Variants in DYM observed in about 807,000 individuals in gnomAD.
DYM encodes the protein dyggve-Melchior-Clausen syndrome protein.
DYM carries 78 observed loss-of-function variants against 93.1 expected under a neutral mutation model. That is an observed-to-expected ratio of 0.84 (90% CI 0.70 to 1.01). The LOEUF (loss-of-function observed/expected upper bound fraction) is 1.01. Among genes scored for constraint, DYM ranks in the 50% least tolerant of loss-of-function variants. The pLI is 0.00. For missense variants in DYM, 789 were observed against 845.0 expected, an observed-to-expected ratio of 0.93 and a Z score of 0.82; for synonymous variants, 321 against 319.7, an observed-to-expected ratio of 1.00 and a Z score of -0.04.
At chr18:49,409,104 C>T (rs148938919) in intron 2 of DYM, among the ~76,000 whole-genome samples, 326 of 151,802 alleles carry the variant, frequency 2.1e-3, no homozygotes, top group Non-Finnish European at 3.0e-3. Context: ...GCCAACATAG[C>T]GAAACCCCGT....
chr18:49,270,749 G>A (rs895634020), intron 11 of DYM, among the ~76,000 whole-genome samples: 2 of 152,068 alleles, frequency 1.3e-5, no homozygotes, highest in Non-Finnish European at 2.9e-5. Context: ...CAATGGTCAA[G>A]ATTCCTTAAA....
chr18:49,428,534 A>T (rs1407530076), intron 2 of DYM, among the ~76,000 whole-genome samples: 1 of 152,084 alleles, frequency 6.6e-6, no homozygotes, highest in Non-Finnish European at 1.5e-5. Context: ...AAAATACAAA[A>T]ATTAGCCATG....
At chr18:49,198,329 T>C (rs1285859526) in intron 14 of DYM, among the ~76,000 whole-genome samples, 7 of 151,954 alleles carry the variant, frequency 4.6e-5, no homozygotes, top group Admixed American at 6.6e-5. Context: ...GGGCAAGGAC[T>C]TCATGTCTAA....
chr18:49,178,923 A>G (rs914511459), intron 14 of DYM, among the ~76,000 whole-genome samples: 3 of 147,224 alleles, frequency 2.0e-5, no homozygotes, highest in African/African-American at 7.6e-5. Context: ...CCACGCCCCC[A>G]TTTTCCTAAA....
At chr18:49,104,345 A>T (rs1243314106) in intron 16 of DYM, among the ~76,000 whole-genome samples, 1 of 152,192 alleles carries the variant, frequency 6.6e-6, no homozygotes, top group African/African-American at 2.4e-5. Flanking sequence ...ATATACAATC[A>T]TGTCATCTGC....
chr18:49,369,073 G>A (rs779525063), intron 5 of DYM, among the ~76,000 whole-genome samples: 1 of 152,226 alleles, frequency 6.6e-6, no homozygotes, highest in Non-Finnish European at 1.5e-5. Flanking sequence ...GTTTCGGGCT[G>A]CTTCACTAGG....
chr18:49,156,786 C>G (rs2086505641), intron 15 of DYM, among the ~76,000 whole-genome samples: 1 of 151,202 alleles, frequency 6.6e-6, no homozygotes. Flanking sequence ...ACCTACATTC[C>G]ACTGACTTAG....
chr18:49,383,057 G>A (rs879814182), intron 3 of DYM, among the ~76,000 whole-genome samples: 1 of 152,112 alleles, frequency 6.6e-6, no homozygotes, highest in African/African-American at 2.4e-5. Context: ...CAAAATCTAC[G>A]TTGTGGGAAA....
At chr18:49,045,461 T>C (rs1200311042) in intron 17 of DYM, among the ~76,000 whole-genome samples, 3 of 152,220 alleles carry the variant, frequency 2.0e-5, no homozygotes, top group Admixed American at 6.5e-5. Context: ...TCTAATTTAG[T>C]CCTTCTTATG....
intron 2 of DYM, chr18:49,411,807 T>A (rs993232623): frequency 1.3e-5 from 2 of 152,126 alleles, no homozygotes; most frequent in African/African-American, 4.8e-5. Flanking sequence ...CAAATTCTGA[T>A]AAATATATAA....
intron 6 of DYM, among the ~76,000 whole-genome samples, chr18:49,352,209 G>C (rs1228165746): frequency 6.6e-6 from 1 of 152,196 alleles, no homozygotes; most frequent in South Asian, 2.1e-4. Context: ...TTTGCTAGGG[G>C]CTGAGAAATG....
chr18:49,297,731 G>C (rs1399781642), intron 8 of DYM, among the ~76,000 whole-genome samples: 1 of 149,784 alleles, frequency 6.7e-6, no homozygotes, highest in Non-Finnish European at 1.5e-5. Flanking sequence ...CACAACAAAA[G>C]AAACAATAAA....
intron 2 of DYM, among the ~76,000 whole-genome samples, chr18:49,416,534 A>G (rs1036610642): frequency 3.3e-5 from 5 of 152,286 alleles, no homozygotes; most frequent in African/African-American, 1.2e-4. Context: ...TAACACTCAA[A>G]TCAGGTGTTA....
intron 15 of DYM, among the ~76,000 whole-genome samples, chr18:49,149,950 G>A (rs769508092): frequency 1.3e-5 from 2 of 152,004 alleles, no homozygotes; most frequent in African/African-American, 2.4e-5. Context: ...TTCGTGATCT[G>A]CCTGCCTTGG....
At chr18:49,073,391 G>A (rs2077046924) in intron 17 of DYM, among the ~76,000 whole-genome samples, 1 of 152,130 alleles carries the variant, frequency 6.6e-6, no homozygotes, top group Non-Finnish European at 1.5e-5. Flanking sequence ...TAACTTGACA[G>A]ATTAAAAAAT....
chr18:49,090,921 G>C (rs1015651822), intron 17 of DYM, among the ~76,000 whole-genome samples: 17 of 152,114 alleles, frequency 1.1e-4, no homozygotes, highest in African/African-American at 4.1e-4. Flanking sequence ...TTCACAGTAG[G>C]GTTTTGTAGC....
At chr18:49,289,373 A>G (rs1176726902) in intron 8 of DYM, among the ~76,000 whole-genome samples, 1 of 149,244 alleles carries the variant, frequency 6.7e-6, no homozygotes, top group East Asian at 2.0e-4. Flanking sequence ...CATGCATAAC[A>G]AAAGGATTTT....
At chr18:49,177,924 C>G (rs1464340953) in intron 14 of DYM, among the ~76,000 whole-genome samples, 2 of 151,962 alleles carry the variant, frequency 1.3e-5, no homozygotes, top group African/African-American at 4.8e-5. Context: ...AGTTAAAGTT[C>G]TAAAACTACT....
At chr18:49,096,561 C>G (rs879864891) in intron 17 of DYM, among the ~76,000 whole-genome samples, 2 of 152,110 alleles carry the variant, frequency 1.3e-5, no homozygotes, top group African/African-American at 2.4e-5. Flanking sequence ...AAAATTAGAG[C>G]TAATGAAGAA....
Sources: allele counts gnomAD v4.1 joint callset (sites outside exome capture counted in the v4.1 genomes callset), GRCh38; gene constraint gnomAD v4.1.1; transcripts MANE v1.5; gene names NCBI Gene and HGNC (gene_info 2026-07-23, HGNC 2026-07-21).